Variants in SYT17 observed in about 807,000 individuals in gnomAD.
SYT17 encodes the protein synaptotagmin 17.
SYT17 carries 22 observed loss-of-function variants against 46.7 expected under a neutral mutation model. The observed-to-expected ratio is 0.47, with a 90% CI of 0.34 to 0.67. The LOEUF is 0.67. Among genes scored for constraint, SYT17 ranks in the 30% least tolerant of loss-of-function variants. The pLI, the probability that SYT17 is intolerant of heterozygous loss-of-function variation, is 0.01. For synonymous variants in SYT17, 251 were observed against 248.4 expected (o/e 1.01, Z -0.10); for missense variants, 519 against 612.8 (o/e 0.85, Z 1.62).
intron 7 of SYT17, among the ~76,000 whole-genome samples, chr16:19,241,995 G>C (rs931283522): frequency 6.6e-6 from 1 of 152,172 alleles, no homozygotes; most frequent in East Asian, 1.9e-4. Context: ...TATGGAAGAG[G>C]GAAGTGAGGC....
At chr16:19,222,193 C>A (rs1337026183) in intron 5 of SYT17, among the ~76,000 whole-genome samples, 1 of 152,110 alleles carries the variant, frequency 6.6e-6, no homozygotes, top group Non-Finnish European at 1.5e-5. Flanking sequence ...AGGTGAAATA[C>A]CATTTGGCAA....
chr16:19,237,211 A>G (rs1335989966), intron 7 of SYT17, among the ~76,000 whole-genome samples: 1 of 151,984 alleles, frequency 6.6e-6, no homozygotes. Flanking sequence ...CTTTTCACTC[A>G]CTCTTAACCA....
intron 5 of SYT17, among the ~76,000 whole-genome samples, chr16:19,215,699 G>A (rs1966069609): frequency 6.6e-6 from 1 of 152,136 alleles, no homozygotes; most frequent in African/African-American, 2.4e-5. Context: ...TTACAGACAT[G>A]AGCTACTGCA....
intron 5 of SYT17, among the ~76,000 whole-genome samples, chr16:19,185,923 G>C (rs1455006642): frequency 6.6e-6 from 1 of 152,238 alleles, no homozygotes; most frequent in East Asian, 1.9e-4. Context: ...TATCTAATTG[G>C]GCAGACAAGA....
chr16:19,188,011 C>A (rs766723630), intron 5 of SYT17, among the ~76,000 whole-genome samples: 30 of 152,124 alleles, frequency 2.0e-4, no homozygotes, highest in Non-Finnish European at 4.3e-4. Flanking sequence ...ATAAATTGTT[C>A]TATTATAAAG....
chr16:19,180,548 C>A lies in SYT17; in HGVS notation c.331+9C>A, dbSNP rs749642823. 20 of 1,613,810 alleles carry A rather than the reference C, an allele frequency of 1.2e-5. No individual in the cohort carries two copies. In the East Asian group the frequency reaches 4.2e-4, roughly 34 times the overall value. ...GACGCGGAGGATTTCGAGTAAGTAT[C>A]TCTGCTTTACCTTTCTGGGGGCCCT... is the stretch of plus-strand genomic sequence containing the variant. On this transcript the variant is annotated intron_variant, in intron 4 of 7. Transcript: ENST00000355377.
intron 7 of SYT17, among the ~76,000 whole-genome samples, chr16:19,245,792 C>T (rs1032967053): frequency 2.6e-5 from 4 of 152,118 alleles, no homozygotes; most frequent in Admixed American, 6.5e-5. Flanking sequence ...TGAGAGGGAG[C>T]GGGGAGCCCT....
rs1339437896 is a variant in SYT17 at position 19,266,446 on chromosome 16, T to C, written c.1229-434T>C. On this transcript the variant is annotated intron_variant, in intron 7 of 7. Coordinates refer to ENST00000355377, the MANE Select transcript of SYT17 (RefSeq NM_016524.4). ...GCCCATAATGTCAACAGTTCCATGA[T>C]TGAGAAACCCTGGTTTAATCGCTCA... 3.9e-5 allele frequency among the ~76,000 whole-genome samples: 6 copies of C among 152,218 alleles called. No individual in the cohort carries two copies. The East Asian group carries it at 5.8e-4, about 15-fold the overall frequency.
At chr16:19,178,408 C>T (rs1964408028) in intron 3 of SYT17, among the ~76,000 whole-genome samples, 7 of 151,992 alleles carry the variant, frequency 4.6e-5, no homozygotes. Context: ...TCTCATGCCT[C>T]AGCCTCCCAA....
At position 19,168,876 on chromosome 16, in the gene SYT17, T is replaced by C. The variant is rs796773300; in HGVS notation, c.15+215T>C. Among the ~76,000 whole-genome samples, 73 of 152,046 alleles carry C rather than the reference T, an allele frequency of 4.8e-4. No individual in the cohort carries two copies. Among genetic ancestry groups the C allele is most frequent in the African/African-American group, 1.7e-3 (70 of 41,510 alleles). On this transcript the variant is annotated intron_variant, in intron 1 of 7. Coordinates refer to ENST00000355377, the MANE Select transcript of SYT17 (RefSeq NM_016524.4). This position sits in a 1 kb window ranked among gnomAD's most constrained non-coding sequence, Gnocchi z 6.9. The stretch of plus-strand genomic sequence containing the variant: ...CCAAACCCCGGGATGGAGGGTCCTA[T>C]GTGTACTCTGCAACGCGCGCCCTTG...
chr16:19,180,450 C>G lies in SYT17; in HGVS notation c.242C>G (p.Pro81Arg), dbSNP rs201799218. The G allele has an allele frequency of 1.9e-6, 3 of 1,614,036 alleles. No homozygotes were observed. Among genetic ancestry groups the G allele is most frequent in the African/African-American group, 2.7e-5 (2 of 74,916 alleles). Residue 81 changes from proline to arginine, a missense_variant, in exon 4 of 8, where the codon CCG becomes CGG. Pro to Arg is a moderately radical substitution (Grantham distance 103, BLOSUM62 -2). Coordinates refer to ENST00000355377, the MANE Select transcript of SYT17 (RefSeq NM_016524.4). ...TCTGTCCACACGGCCAGCGAAGTCC[C>G]GCTGACCCCACGGACCAATTCCCCG... ...GDSVHTASEV[P>R]LTPRTNSPDG...
intron 5 of SYT17, among the ~76,000 whole-genome samples, chr16:19,204,770 C>T (rs1261411152): frequency 3.3e-5 from 5 of 152,174 alleles, no homozygotes; most frequent in African/African-American, 1.2e-4. Context: ...TTACAAGCAC[C>T]CTCAGTGGCT....
chr16:19,253,655 A>G (rs72640452), intron 7 of SYT17, among the ~76,000 whole-genome samples: 15,773 of 151,780 alleles, frequency 0.1, 1,774 homozygotes, highest in East Asian at 0.36. Context: ...AAAAGAAAAG[A>G]AAAAAGAAAA....
chr16:19,227,640 C>T (rs1966544069), intron 7 of SYT17, among the ~76,000 whole-genome samples: 1 of 152,172 alleles, frequency 6.6e-6, no homozygotes, highest in African/African-American at 2.4e-5. Flanking sequence ...TAATGCCTTC[C>T]CCTTTCCAGT....
At chr16:19,217,781 A>C (rs1966152165) in intron 5 of SYT17, among the ~76,000 whole-genome samples, 1 of 152,244 alleles carries the variant, frequency 6.6e-6, no homozygotes, top group African/African-American at 2.4e-5. Context: ...CATTACCACC[A>C]GCAGTATACA....
intron 7 of SYT17, among the ~76,000 whole-genome samples, chr16:19,251,716 C>T (rs1436264344): frequency 6.6e-6 from 1 of 152,152 alleles, no homozygotes; most frequent in African/African-American, 2.4e-5. Context: ...AGATGTTTCG[C>T]CTAAGCTCCT....
At chr16:19,169,320 G>T (rs1963993135) in intron 1 of SYT17, among the ~76,000 whole-genome samples, 1 of 150,866 alleles carries the variant, frequency 6.6e-6, no homozygotes, top group Non-Finnish European at 1.5e-5. Context: ...AGCCTTTTTT[G>T]GGGGGAGGGG....
Position 19,168,636 on chromosome 16 carries a change from C to A in SYT17, c.-11C>A. On this transcript the variant is annotated 5_prime_UTR_variant, in exon 1 of 8. Transcript: ENST00000355377. This position sits in a 1 kb window ranked among gnomAD's most constrained non-coding sequence, Gnocchi z 6.9. ...CCATGCCCGGGCCGGAGTGAGTGCG[C>A]GCGGGCGAAAATGGCGTACATCCAG... 1 of 1,538,016 alleles carries A rather than the reference C, an allele frequency of 6.5e-7. No homozygotes were observed. Among genetic ancestry groups the A allele is most frequent in the Non-Finnish European group, 8.8e-7 (1 of 1,140,488 alleles).
chr16:19,197,732 T>C (rs1190253408), intron 5 of SYT17, among the ~76,000 whole-genome samples: 3 of 151,854 alleles, frequency 2.0e-5, no homozygotes, highest in African/African-American at 7.3e-5. Context: ...TGCCTCAACA[T>C]GGACTTTTGA....
Sources: gnomAD v4.1 joint callset for allele counts (sites outside exome capture counted in the v4.1 genomes callset) on GRCh38, gnomAD v4.1.1 for gene constraint, Gnocchi (gnomAD v3.1) non-coding constraint, MANE v1.5 for transcripts, NCBI Gene and HGNC (gene_info 2026-07-23, HGNC 2026-07-21) for gene names.